The following ITGA2 variants were observed in gnomAD, a reference collection of about 807,000 sequenced individuals.
ITGA2 encodes the protein integrin subunit alpha 2, also known as integrin alpha-2.
In ITGA2, 101 loss-of-function variants were observed where a neutral mutation model predicts 146.3. The observed-to-expected ratio is 0.69, with a 90% confidence interval of 0.59 to 0.81. The LOEUF is 0.81. Among genes scored for constraint, ITGA2 ranks in the 40% least tolerant of loss-of-function variants. ITGA2 has a pLI of 0.00. For missense variants in ITGA2, 1,281 were observed against 1,402.7 expected, an observed-to-expected ratio of 0.91 and a Z score of 1.39; for synonymous variants, 477 against 487.1, an observed-to-expected ratio of 0.98 and a Z score of 0.27.
chr5:53,025,129 C>T lies in ITGA2; in HGVS notation c.65-1619C>T, dbSNP rs149461141. On this transcript the variant is annotated intron_variant, in intron 1 of 29. Coordinates refer to ENST00000296585, the MANE Select transcript of ITGA2 (RefSeq NM_002203.4). ...TTTAAAGGTGAAAGCAGTTTGGCAT[C>T]ATCTCTCCACGCTAATATGTTAGAT... Among the ~76,000 whole-genome samples, 30 of 152,216 alleles carry T rather than the reference C, an allele frequency of 2.0e-4. No individual in the cohort carries two copies. In the East Asian group the frequency reaches 4.6e-3, roughly 24 times the overall value.
intron 1 of ITGA2, among the ~76,000 whole-genome samples, chr5:53,023,798 A>G (rs1376673462): frequency 6.6e-6 from 1 of 152,240 alleles, no homozygotes; most frequent in Non-Finnish European, 1.5e-5. Context: ...GTTGAATTAG[A>G]CAGAATACTT....
At chr5:53,034,763 C>G (rs879633514) in intron 2 of ITGA2, among the ~76,000 whole-genome samples, 1 of 152,166 alleles carries the variant, frequency 6.6e-6, no homozygotes, top group Admixed American at 6.5e-5. Flanking sequence ...ATCCATCTAA[C>G]TCCATCTAAA....
chr5:53,073,188 G>A lies in ITGA2; in HGVS notation c.2500G>A (p.Glu834Lys). The change falls in exon 20 of 30, where the codon GAA (glutamate) becomes AAA (lysine). Residue 834 changes from glutamate to lysine, a missense_variant. By Grantham distance (56) the Glu-to-Lys change is moderately conservative. Coordinates refer to ENST00000296585, the MANE Select transcript of ITGA2 (RefSeq NM_002203.4). ...TTCAGTAACGCTGAAAAATAAAAGGGAAAGTGCATACAACACTGGAATTGT... is the reference window on the plus strand; with the variant it reads ...TTCAGTAACGCTGAAAAATAAAAGGAAAAGTGCATACAACACTGGAATTGT... ...TFSVTLKNKR[E>K]SAYNTGIVVD... The A allele has an allele frequency of 2.5e-6, 4 of 1,612,474 alleles. No individual in the cohort carries two copies. In the South Asian group the frequency reaches 4.4e-5, roughly 18 times the overall value.
intron 15 of ITGA2, 74 bp downstream of exon 15, chr5:53,066,051 G>A: frequency 1.4e-6 from 2 of 1,384,992 alleles, no homozygotes; most frequent in Non-Finnish European, 2.1e-6. Context: ...GTCTGTACTG[G>A]TATTATAGAA....
At chr5:53,059,363 A>G (rs1744797245) in intron 10 of ITGA2, among the ~76,000 whole-genome samples, 1 of 151,944 alleles carries the variant, frequency 6.6e-6, no homozygotes, top group Non-Finnish European at 1.5e-5. Flanking sequence ...AGGAAGAGAG[A>G]GGAAGAAAGC....
At chr5:53,041,405 T>C (rs1743792323) in intron 2 of ITGA2, among the ~76,000 whole-genome samples, 1 of 152,218 alleles carries the variant, frequency 6.6e-6, no homozygotes, top group Non-Finnish European at 1.5e-5. Flanking sequence ...ATTTGTTCTG[T>C]ATTTTTGCTA....
chr5:53,065,675 G>T, intron 14 of ITGA2, 166 bp from the exon 15 acceptor site: 1 of 817,426 alleles, frequency 1.2e-6, no homozygotes, highest in Non-Finnish European at 2.0e-6. Flanking sequence ...GTGATGCAGA[G>T]ATCAGATAAT....
chr5:53,044,978 A>T, intron 3 of ITGA2, 23 bp from the exon 4 acceptor site: 1 of 1,567,490 alleles, frequency 6.4e-7, no homozygotes, highest in Non-Finnish European at 8.8e-7. Context: ...AATCACTTTT[A>T]AAAATTGTTT....
In ITGA2 at chr5:53,066,084, C is replaced by T; in HGVS notation, c.1943+107C>T. 4 of 1,051,484 alleles carry T rather than the reference C, an allele frequency of 3.8e-6. No homozygotes were observed. In the Admixed American group the frequency reaches 6.9e-5, roughly 18 times the overall value. The allele number at this position is 1,051,484 out of a possible 1,614,324, so 65.1% of individuals were successfully genotyped here. ...GAAATGCCACATGCATTCTATAAGA[C>T]TATAGGGAATCGATGTATCATAGTT... is the stretch of plus-strand genomic sequence containing the variant. On this transcript the variant is annotated intron_variant, in intron 15 of 29. Transcript: ENST00000296585.
At chr5:53,062,268 C>T (rs908079834) in intron 12 of ITGA2, among the ~76,000 whole-genome samples, 1 of 151,900 alleles carries the variant, frequency 6.6e-6, no homozygotes, top group Non-Finnish European at 1.5e-5. Flanking sequence ...TTTTAACTTT[C>T]TAAGCCTTCC....
chr5:53,077,968 C>T (rs1745738161), intron 23 of ITGA2, among the ~76,000 whole-genome samples: 1 of 152,010 alleles, frequency 6.6e-6, no homozygotes, highest in African/African-American at 2.4e-5. Flanking sequence ...ATCCCCCACG[C>T]AAAGAAGCTA....
chr5:53,080,237 G>A (rs529200966), intron 24 of ITGA2, among the ~76,000 whole-genome samples: 23 of 152,162 alleles, frequency 1.5e-4, no homozygotes, highest in South Asian at 4.2e-4. Context: ...CATTATTGGC[G>A]CACTAAGCAT....
In ITGA2 at chr5:53,048,643, C is replaced by A; in HGVS notation, c.503C>A (p.Pro168His). ...LSASFSPATQ[P>H]CPSLIDVVVV... is the part of the protein sequence containing the mutation. Reference sequence around the variant, plus strand: ...GCTTCTTTCCTCTTTTCCTGTGTAGCCTGCCCTTCCCTCATAGATGTTGTG... The same window carrying A: ...GCTTCTTTCCTCTTTTCCTGTGTAGACTGCCCTTCCCTCATAGATGTTGTG... Residue 168 changes from proline (P) to histidine (H), a missense_variant and splice_region_variant, in exon 6 of 30, where the codon CCC (proline) becomes CAC (histidine). This residue lies in a region of ITGA2 where 795 missense variants were observed against 841.7 expected (regional missense o/e 0.94). Transcript: ENST00000296585. 1 of 1,614,052 alleles carries A rather than the reference C, an allele frequency of 6.2e-7. No homozygotes were observed. The highest frequency in any genetic ancestry group is 8.5e-7 in the Non-Finnish European group (1 of 1,179,972).
At chr5:52,991,243 A>G (rs934666121) in intron 1 of ITGA2, among the ~76,000 whole-genome samples, 2 of 152,156 alleles carry the variant, frequency 1.3e-5, no homozygotes, top group Non-Finnish European at 2.9e-5. Flanking sequence ...TAAGATCCTC[A>G]TAAGAAAGCT....
intron 2 of ITGA2, among the ~76,000 whole-genome samples, chr5:53,032,302 T>TA (rs908405276): frequency 7.4e-5 from 11 of 148,970 alleles, no homozygotes; most frequent in African/African-American, 1.2e-4. Context: ...GAACTTTAAA[T>TA]AAAAAAAAAA....
chr5:52,989,410 G>T lies in ITGA2; in HGVS notation c.-59G>T, dbSNP rs1740796653. On this transcript the variant is annotated 5_prime_UTR_variant, in exon 1 of 30. Coordinates refer to ENST00000296585, the MANE Select transcript of ITGA2 (RefSeq NM_002203.4). Reference sequence around the variant, plus strand: ...AGGTTCTCGTATCCCTCGGCCAAGGGTATCCTCTGCAAACCTCTGCAAACC... The same window carrying T: ...AGGTTCTCGTATCCCTCGGCCAAGGTTATCCTCTGCAAACCTCTGCAAACC... 8 of 1,562,574 alleles carry T rather than the reference G, an allele frequency of 5.1e-6. No homozygotes were observed. Among genetic ancestry groups the T allele is most frequent in the South Asian group, 4.4e-5 (4 of 90,058 alleles).
At position 53,091,723 on chromosome 5, in the gene ITGA2, G is replaced by A. The variant is rs1475362334; in HGVS notation, c.*1124G>A. ...ATCTGTTTAATTTACACACTTGCAT[G>A]AATTACTGTATATAAACTCCTTAAC... On this transcript the variant is annotated 3_prime_UTR_variant, in exon 30 of 30. Transcript: ENST00000296585. The A allele has an allele frequency of 6.6e-6, 1 of 152,188 alleles. No individual in the cohort carries two copies. 9.4% of individuals were successfully genotyped at this position (152,188 alleles called of 1,614,324 possible).
At chr5:52,990,896 C>G (rs1740920617) in intron 1 of ITGA2, among the ~76,000 whole-genome samples, 1 of 152,086 alleles carries the variant, frequency 6.6e-6, no homozygotes, top group Non-Finnish European at 1.5e-5. Context: ...GAAAATGAGT[C>G]TCTGGAATAC....
At chr5:53,053,369 T>C (rs925020271) in intron 7 of ITGA2, among the ~76,000 whole-genome samples, 1 of 152,166 alleles carries the variant, frequency 6.6e-6, no homozygotes, top group Admixed American at 6.6e-5. Context: ...CATAAGCTGC[T>C]GGCCAGTCAA....
Sources: gnomAD v4.1 joint callset for allele counts (sites outside exome capture counted in the v4.1 genomes callset) on GRCh38, gnomAD v4.1.1 for gene constraint, gnomAD v4.1.1 regional missense constraint, MANE v1.5 for transcripts, NCBI Gene and HGNC (gene_info 2026-07-23, HGNC 2026-07-21) for gene names.